Variants in PHF19 observed in about 807,000 individuals in gnomAD.
The protein encoded by PHF19 is polycomb like 3.
In PHF19, 21 loss-of-function variants were observed where a neutral mutation model predicts 79.8. That is an observed-to-expected ratio of 0.26 (90% CI 0.19 to 0.38). The LOEUF is 0.38. Among genes scored for constraint, PHF19 ranks in the 10% least tolerant of loss-of-function variants. The pLI is 1.00. For missense variants in PHF19, 445 were observed against 744.2 expected (o/e 0.60, Z 4.68); for synonymous variants, 273 against 296.3 (o/e 0.92, Z 0.81).
At position 120,866,744 on chromosome 9, in the gene PHF19, T is replaced by C. The variant is rs2045714456; in HGVS notation, c.710+126A>G. ...CCTTGAGCTGCCTCCAGTAAACAGG[T>C]AGGCATACATTGTCACAGACCTCCT... On this transcript the variant is annotated intron_variant, in intron 7 of 14. Coordinates refer to ENST00000373896, the MANE Select transcript of PHF19 (RefSeq NM_015651.3). This position sits in a 1 kb window ranked among gnomAD's most constrained non-coding sequence, Gnocchi z 5.2. The C allele has an allele frequency of 4.6e-6, 3 of 651,102 alleles. No homozygotes were observed. Among genetic ancestry groups the C allele is most frequent in the African/African-American group, 1.8e-5 (1 of 55,948 alleles). 40.3% of individuals were successfully genotyped at this position (651,102 alleles called of 1,614,324 possible).
chr9:120,899,743 C>T (rs2046425198), upstream of PHF19, among the ~76,000 whole-genome samples: 1 of 152,128 alleles, frequency 6.6e-6, no homozygotes. Context: ...TGTTACTCTC[C>T]CCAGCCCAGG....
At chr9:120,885,222 T>C (rs1466771873) in intron 1 of PHF19, among the ~76,000 whole-genome samples, 3 of 152,098 alleles carry the variant, frequency 2.0e-5, no homozygotes, top group Admixed American at 1.3e-4. Flanking sequence ...TGTGTCTTAA[T>C]GGAGGGAACC....
At chr9:120,892,649 T>C (rs1450222730) in intron 1 of PHF19, among the ~76,000 whole-genome samples, 1 of 152,206 alleles carries the variant, frequency 6.6e-6, no homozygotes, top group Non-Finnish European at 1.5e-5. Context: ...CTTGTATACC[T>C]GTCATTCCTG....
chr9:120,884,754 C>CAA (rs57387656), intron 1 of PHF19, among the ~76,000 whole-genome samples: 2 of 127,012 alleles, frequency 1.6e-5, no homozygotes, highest in South Asian at 2.5e-4. Flanking sequence ...CCAAAAAATA[C>CAA]AAAAAAAAAA....
At chr9:120,876,481 A>AGCGGGCCCCC (rs2046060925) in intron 1 of PHF19, 1 of 150,034 alleles carries the variant, frequency 6.7e-6, no homozygotes, top group Non-Finnish European at 1.5e-5. Context: ...GTCCTCCCGG[A>AGCGGGCCCCC]GCGGGCCCCC....
upstream of PHF19, among the ~76,000 whole-genome samples, chr9:120,879,699 AT>A (rs1358046826): frequency 6.6e-6 from 1 of 152,256 alleles, no homozygotes; most frequent in African/African-American, 2.4e-5. Flanking sequence ...GCAACTCTAA[AT>A]TCGAATTGAG....
intron 6 of PHF19, chr9:120,868,476 C>T (rs538992078): frequency 6.6e-6 from 1 of 152,376 alleles, no homozygotes; most frequent in African/African-American, 2.4e-5. Flanking sequence ...GGTTGCACAG[C>T]TGGTAAGGAG....
In PHF19 at chr9:120,862,119, G is replaced by A. The variant is rs1306515639; in HGVS notation, c.1131-114C>T. 1 of 776,264 alleles carries A rather than the reference G, an allele frequency of 1.3e-6. No homozygotes were observed. Among genetic ancestry groups the A allele is most frequent in the Non-Finnish European group, 2.3e-6 (1 of 429,634 alleles). The allele number at this position is 776,264 out of a possible 1,614,324, so 48.1% of individuals were successfully genotyped here. On this transcript the variant is annotated intron_variant, in intron 11 of 14. Coordinates refer to ENST00000373896, the MANE Select transcript of PHF19 (RefSeq NM_015651.3). The surrounding 1 kb of genome is among the most constrained non-coding windows in gnomAD (Gnocchi z 4.6). ...CACAGCAGTTGGGGAGACAGGCTCT[G>A]AACACAGCTGCACCTTCACAGGGAG...
In PHF19 at chr9:120,862,071, G is replaced by A; in HGVS notation, c.1131-66C>T. 2.5e-6 allele frequency: 3 copies of A among 1,196,930 alleles called. No homozygotes were observed. The highest frequency in any genetic ancestry group is 3.8e-6 in the Non-Finnish European group (3 of 799,982). The allele number at this position is 1,196,930 out of a possible 1,614,324, so 74.1% of individuals were successfully genotyped here. On this transcript the variant is annotated intron_variant, in intron 11 of 14. Transcript: ENST00000373896. The surrounding 1 kb of genome is among the most constrained non-coding windows in gnomAD (Gnocchi z 4.6). The stretch of plus-strand genomic sequence containing the variant: ...CTGAGGGCCCTAGGGTGGCCCAGAG[G>A]GAGGCGCCGCAGGGGCGGGGGTCAC...
At chr9:120,872,979 T>G (rs141426639) in intron 3 of PHF19, among the ~76,000 whole-genome samples, 1 of 152,242 alleles carries the variant, frequency 6.6e-6, no homozygotes. Context: ...GCTAAGCATT[T>G]TACATGGATT....
At chr9:120,889,246 T>C (rs2046307756) in intron 1 of PHF19, among the ~76,000 whole-genome samples, 1 of 151,938 alleles carries the variant, frequency 6.6e-6, no homozygotes, top group South Asian at 2.1e-4. Flanking sequence ...GCCAACATGG[T>C]GAAATCTCGT....
chr9:120,882,155 C>T (rs940840743), upstream of PHF19, among the ~76,000 whole-genome samples: 1 of 152,170 alleles, frequency 6.6e-6, no homozygotes, highest in Admixed American at 6.5e-5. Flanking sequence ...TTTGGAAAGG[C>T]GTAGTGATAA....
Position 120,860,077 on chromosome 9 carries a change from C to G in PHF19, c.1400+13G>C. 1 of 1,476,914 alleles carries G rather than the reference C, an allele frequency of 6.8e-7. No individual in the cohort carries two copies. The highest frequency in any genetic ancestry group is 1.8e-5 in the Admixed American group (1 of 55,006). The allele number at this position is 1,476,914 out of a possible 1,614,324, so 91.5% of individuals were successfully genotyped here. A position where few individuals can be genotyped will look rare whatever the true frequency, so the allele number is the denominator to read the frequency against. The stretch of plus-strand genomic sequence containing the variant: ...CTTGCAAAATGTGAAGGCCAGACCT[C>G]TAGGAAGCTCACCTGGAGTCATAGG... On this transcript the variant is annotated intron_variant, in intron 14 of 14. Transcript: ENST00000373896. This position sits in a 1 kb window ranked among gnomAD's most constrained non-coding sequence, Gnocchi z 4.1.
At chr9:120,863,441 C>T (rs1286483447) in intron 10 of PHF19, among the ~76,000 whole-genome samples, 1 of 151,946 alleles carries the variant, frequency 6.6e-6, no homozygotes, top group East Asian at 1.9e-4. Context: ...GTTGATGGAA[C>T]GAATGAGTAA....
chr9:120,872,037 CAAAAA>C (rs1170243737), intron 3 of PHF19, among the ~76,000 whole-genome samples: 32 of 30,308 alleles, frequency 1.1e-3, no homozygotes, highest in African/African-American at 4.0e-3. Flanking sequence ...GACTCTGTCT[CAAAAA>C]AAAAAAAAAA....
Position 120,862,755 on chromosome 9 carries a change from G to A in PHF19, c.969-6C>T. ...TCTCCTTGCCGCAGAGGAACCTGGG[G>A]GTGGGCAGTGGGAGGAAGAAGCTCT... On this transcript the variant is annotated splice_region_variant and splice_polypyrimidine_tract_variant and intron_variant, in intron 10 of 14. Coordinates refer to ENST00000373896, the MANE Select transcript of PHF19 (RefSeq NM_015651.3). This position sits in a 1 kb window ranked among gnomAD's most constrained non-coding sequence, Gnocchi z 4.6. The A allele has an allele frequency of 6.2e-7, 1 of 1,613,900 alleles. No individual in the cohort carries two copies. Among genetic ancestry groups the A allele is most frequent in the Non-Finnish European group, 8.5e-7 (1 of 1,179,892 alleles).
Position 120,869,357 on chromosome 9 carries a change from A to G in PHF19, c.466-27T>C. On this transcript the variant is annotated intron_variant, in intron 5 of 14. Transcript: ENST00000373896. This position sits in a 1 kb window ranked among gnomAD's most constrained non-coding sequence, Gnocchi z 5.8. Reference sequence around the variant, plus strand: ...TGGGGGGAGACGAGGGCCCCAGTCAACCACCAGGTCCGGGTGGACCACGCG... The same window carrying G: ...TGGGGGGAGACGAGGGCCCCAGTCAGCCACCAGGTCCGGGTGGACCACGCG... 4 of 1,607,044 alleles carry G rather than the reference A, an allele frequency of 2.5e-6. No homozygotes were observed. Among genetic ancestry groups the G allele is most frequent in the Non-Finnish European group, 2.5e-6 (3 of 1,177,652 alleles).
At chr9:120,895,791 T>C (rs543725667), upstream of PHF19, among the ~76,000 whole-genome samples, 129 of 152,252 alleles carry the variant, frequency 8.5e-4, no homozygotes, top group Non-Finnish European at 1.5e-3. Flanking sequence ...TAGCTGGGAC[T>C]ACAGGCATGC....
chr9:120,882,856 A>G (rs1235341212), intron 1 of PHF19, among the ~76,000 whole-genome samples: 45 of 151,678 alleles, frequency 3.0e-4, no homozygotes, highest in Admixed American at 1.6e-3. Flanking sequence ...AAAAAAAAAA[A>G]AAAGAAAGAA....
Sources: gnomAD v4.1 joint callset for allele counts (sites outside exome capture counted in the v4.1 genomes callset) on GRCh38, gnomAD v4.1.1 for gene constraint, Gnocchi (gnomAD v3.1) non-coding constraint, MANE v1.5 for transcripts, NCBI Gene and HGNC (gene_info 2026-07-23, HGNC 2026-07-21) for gene names.